The following CYP19A1 variants were observed in gnomAD, a reference collection of about 807,000 sequenced individuals.
CYP19A1 encodes the protein aromatase.
In CYP19A1, 32 loss-of-function variants were observed where a neutral mutation model predicts 44.4. The observed-to-expected ratio is 0.72, with a 90% confidence interval of 0.54 to 0.97. The LOEUF (loss-of-function observed/expected upper bound fraction) is 0.97, where lower values mean the gene tolerates loss of function less well. Ranked by LOEUF, CYP19A1 falls within the 50% of genes least tolerant of loss-of-function variation. The pLI is 0.00. For missense variants in CYP19A1, 598 were observed against 637.8 expected (o/e 0.94, Z 0.67); for synonymous variants, 212 against 215.6 (o/e 0.98, Z 0.14).
intron 1 of CYP19A1, among the ~76,000 whole-genome samples, chr15:51,318,004 G>A (rs1197150104): frequency 1.3e-5 from 2 of 152,116 alleles, no homozygotes; most frequent in African/African-American, 4.8e-5. Flanking sequence ...ACCCCAACAT[G>A]TTCAAGAGGG....
intron 1 of CYP19A1, among the ~76,000 whole-genome samples, chr15:51,333,212 A>G (rs753777386): frequency 2.6e-5 from 4 of 152,116 alleles, no homozygotes; most frequent in Non-Finnish European, 4.4e-5. Context: ...GTATAAGGGT[A>G]ATGTTTTCTT....
At chr15:51,281,867 T>G (rs1194192309) in intron 1 of CYP19A1, among the ~76,000 whole-genome samples, 1 of 152,216 alleles carries the variant, frequency 6.6e-6, no homozygotes, top group African/African-American at 2.4e-5. Flanking sequence ...ACATTTTCCC[T>G]TAAGTCTCTT....
At chr15:51,226,499 G>C (rs2032590337) in intron 4 of CYP19A1, among the ~76,000 whole-genome samples, 1 of 152,242 alleles carries the variant, frequency 6.6e-6, no homozygotes, top group African/African-American at 2.4e-5. Flanking sequence ...CTGAGTCCTG[G>C]TGAGGGAGGG....
At chr15:51,237,256 G>A (rs2033465680) in intron 2 of CYP19A1, among the ~76,000 whole-genome samples, 1 of 152,156 alleles carries the variant, frequency 6.6e-6, no homozygotes, top group African/African-American at 2.4e-5. Context: ...GTTTTATTTG[G>A]TCTCAATCAT....
intron 1 of CYP19A1, among the ~76,000 whole-genome samples, chr15:51,273,157 G>A (rs540206702): frequency 6.6e-6 from 1 of 152,128 alleles, no homozygotes; most frequent in East Asian, 1.9e-4. Context: ...CACCATGTTG[G>A]CCAGGCTGGT....
intron 9 of CYP19A1, 140 bp from the exon 10 acceptor site, chr15:51,211,196 G>A: frequency 1.4e-6 from 1 of 691,900 alleles, no homozygotes. Flanking sequence ...CCCCTCAGAT[G>A]AACAACTGGA....
At chr15:51,233,041 T>C (rs2033146476) in intron 3 of CYP19A1, among the ~76,000 whole-genome samples, 1 of 152,222 alleles carries the variant, frequency 6.6e-6, no homozygotes, top group Admixed American at 6.5e-5. Context: ...TGCTGTTCCT[T>C]CTGTCTAGAA....
intron 1 of CYP19A1, among the ~76,000 whole-genome samples, chr15:51,251,004 C>T (rs1029925212): frequency 2.0e-5 from 3 of 152,186 alleles, no homozygotes; most frequent in African/African-American, 4.8e-5. Flanking sequence ...CCAGAGACCA[C>T]ATCACAAGAA....
chr15:51,336,879 C>G (rs1195355882), intron 1 of CYP19A1, among the ~76,000 whole-genome samples: 2 of 150,818 alleles, frequency 1.3e-5, no homozygotes, highest in Admixed American at 6.6e-5. Context: ...CCTGAGCCTC[C>G]TGTGTCAACA....
At chr15:51,218,338 C>A (rs1370421712) in intron 6 of CYP19A1, 4 of 717,472 alleles carry the variant, frequency 5.6e-6, no homozygotes, top group Non-Finnish European at 8.6e-6. Flanking sequence ...GCTGCCCAGC[C>A]AAAGGCTTCA....
chr15:51,269,002 TTTTC>T (rs1232880767), intron 1 of CYP19A1, among the ~76,000 whole-genome samples: 1 of 152,142 alleles, frequency 6.6e-6, no homozygotes, highest in Non-Finnish European at 1.5e-5. Flanking sequence ...CTCTGCTTTA[TTTTC>T]TTTGTGTCTA....
intron 1 of CYP19A1, among the ~76,000 whole-genome samples, chr15:51,306,955 T>C (rs2036227016): frequency 6.6e-6 from 1 of 150,842 alleles, no homozygotes; most frequent in Non-Finnish European, 1.5e-5. Context: ...GGTCTAGACA[T>C]ATTGATGATA....
At chr15:51,230,651 C>A (rs2032955692) in intron 3 of CYP19A1, among the ~76,000 whole-genome samples, 2 of 142,302 alleles carry the variant, frequency 1.4e-5, no homozygotes. Flanking sequence ...CAGAGTCTCA[C>A]TCTATCGCCC....
chr15:51,260,966 C>G (rs145605343), intron 1 of CYP19A1, among the ~76,000 whole-genome samples: 2 of 152,192 alleles, frequency 1.3e-5, no homozygotes, highest in South Asian at 4.1e-4. Context: ...CTTTCATTCA[C>G]AGTCCACCAC....
chr15:51,208,132 T>C lies in CYP19A1; in HGVS notation c.*2676A>G, dbSNP rs146086412. 10 of 152,296 alleles carry C rather than the reference T, an allele frequency of 6.6e-5. No homozygotes were observed. In the East Asian group the frequency reaches 1.9e-3, roughly 29 times the overall value. The allele number at this position is 152,296 out of a possible 1,614,324, so 9.4% of individuals were successfully genotyped here. ...ATTCAGTCCCAGAGCCCAGCTGATA[T>C]AGATTGAAAAGGGTCCCTCTATCCT... is the stretch of plus-strand genomic sequence containing the variant. On this transcript the variant is annotated 3_prime_UTR_variant, in exon 10 of 10. Transcript: ENST00000396402.
intron 1 of CYP19A1, chr15:51,243,193 C>A: frequency 2.4e-6 from 1 of 411,040 alleles, no homozygotes; most frequent in Non-Finnish European, 4.6e-6. Context: ...GACGCTTGGT[C>A]TGATAGAACC....
chr15:51,336,195 C>T (rs2036772351), intron 1 of CYP19A1, among the ~76,000 whole-genome samples: 1 of 152,212 alleles, frequency 6.6e-6, no homozygotes, highest in African/African-American at 2.4e-5. Context: ...ATTGCACCCT[C>T]ATGTCTAATA....
rs28757121 is a variant in CYP19A1 at position 51,289,190 on chromosome 15, A to G, written c.-38-46240T>C. ...GTACTCTCTCTATGTATATATTTCA[A>G]TGAAGGTAATTTACCTCATGCTTTC... On this transcript the variant is annotated intron_variant, in intron 1 of 9. Transcript: ENST00000396402. 5.5e-3 allele frequency among the ~76,000 whole-genome samples: 838 copies of G among 152,350 alleles called. 11 individuals carry two copies. Among genetic ancestry groups the G allele is most frequent in the African/African-American group, 0.019 (804 of 41,580 alleles).
At chr15:51,242,747 A>C in intron 2 of CYP19A1, 21 bp downstream of exon 2, 1 of 1,472,576 alleles carries the variant, frequency 6.8e-7, no homozygotes, top group Non-Finnish European at 9.5e-7. Context: ...CCTTAGATAC[A>C]GAAATAAATG....
Sources: gnomAD v4.1 joint callset for allele counts (sites outside exome capture counted in the v4.1 genomes callset) on GRCh38, gnomAD v4.1.1 for gene constraint, MANE v1.5 for transcripts, NCBI Gene and HGNC (gene_info 2026-07-23, HGNC 2026-07-21) for gene names.